SLC12A2: variants seen among roughly 807,000 people sequenced by gnomAD.
The protein encoded by SLC12A2 is Na-K-2Cl cotransporter 1.
Under a neutral mutation model 136.3 loss-of-function variants are expected in SLC12A2, and 67 were observed. That is an observed-to-expected ratio of 0.49 (90% CI 0.40 to 0.60). SLC12A2 has a LOEUF of 0.60. SLC12A2 is among the 20% of genes least tolerant of loss of function. SLC12A2 has a pLI of 0.00. For missense variants in SLC12A2, 1,322 were observed against 1,534.7 expected (o/e 0.86, Z 2.32); for synonymous variants, 619 against 562.9 (o/e 1.10, Z -1.41).
At chr5:128,096,604 T>C (rs1394122150) in intron 1 of SLC12A2, among the ~76,000 whole-genome samples, 2 of 152,062 alleles carry the variant, frequency 1.3e-5, no homozygotes, top group Non-Finnish European at 2.9e-5. Flanking sequence ...CTGAGAGCAT[T>C]TGCAAATAAG....
chr5:128,096,970 A>G (rs964814743), intron 1 of SLC12A2, among the ~76,000 whole-genome samples: 7 of 152,122 alleles, frequency 4.6e-5, no homozygotes, highest in Non-Finnish European at 1.0e-4. Context: ...TTCAATCATT[A>G]TAACATCTTC....
intron 1 of SLC12A2, among the ~76,000 whole-genome samples, chr5:128,106,552 G>A (rs1760943984): frequency 6.6e-6 from 1 of 152,030 alleles, no homozygotes; most frequent in African/African-American, 2.4e-5. Flanking sequence ...AAAGTTATTT[G>A]CTTTTGACTT....
At chr5:128,097,915 T>G (rs982972605) in intron 1 of SLC12A2, among the ~76,000 whole-genome samples, 1 of 152,044 alleles carries the variant, frequency 6.6e-6, no homozygotes, top group African/African-American at 2.4e-5. Context: ...TCTAAACATG[T>G]CTTTATTTTA....
intron 1 of SLC12A2, among the ~76,000 whole-genome samples, chr5:128,095,251 G>A (rs1038947410): frequency 1.3e-5 from 2 of 152,086 alleles, no homozygotes; most frequent in Non-Finnish European, 2.9e-5. Context: ...TGTATTGTTA[G>A]AAATGTTAGT....
chr5:128,144,933 T>C (rs1377151177), intron 10 of SLC12A2, among the ~76,000 whole-genome samples: 5 of 152,136 alleles, frequency 3.3e-5, no homozygotes, highest in Admixed American at 2.0e-4. Context: ...TTTTCCCCTT[T>C]AGAGACAAGA....
At position 128,099,716 on chromosome 5, in the gene SLC12A2, T is replaced by C. The variant is rs1053956196; in HGVS notation, c.757-13098T>C. Among the ~76,000 whole-genome samples, 10 of 152,284 alleles carry C rather than the reference T, an allele frequency of 6.6e-5. No individual in the cohort carries two copies. In the East Asian group the frequency reaches 1.3e-3, roughly 21 times the overall value. ...GGTTTGTTTCTTTTAAACATCTGTT[T>C]TTTTGTTAAAAAGGAAGACACAAGC... On this transcript the variant is annotated intron_variant, in intron 1 of 26. Transcript: ENST00000262461.
At chr5:128,086,376 G>A (rs1760100619) in intron 1 of SLC12A2, among the ~76,000 whole-genome samples, 2 of 152,084 alleles carry the variant, frequency 1.3e-5, no homozygotes, top group South Asian at 4.1e-4. Context: ...TAGTTGTATG[G>A]TAGTTGAAGA....
intron 1 of SLC12A2, among the ~76,000 whole-genome samples, chr5:128,109,110 T>C (rs1439351997): frequency 6.6e-6 from 1 of 152,284 alleles, no homozygotes; most frequent in Non-Finnish European, 1.5e-5. Context: ...TAGCTATGTC[T>C]ATTAATGAAA....
chr5:128,151,217 C>G (rs755035437), intron 13 of SLC12A2, 24 bp from the exon 14 acceptor site: 1 of 1,590,150 alleles, frequency 6.3e-7, no homozygotes, highest in Admixed American at 1.8e-5. Context: ...ATTTGTGTGA[C>G]TTTTATTTAT....
intron 16 of SLC12A2, among the ~76,000 whole-genome samples, chr5:128,158,457 G>A (rs180948336): frequency 3.7e-4 from 57 of 152,174 alleles, no homozygotes; most frequent in Non-Finnish European, 6.6e-4. Context: ...GTGGTATTTT[G>A]TTTTGTGTTC....
At chr5:128,100,086 C>T (rs1002787014) in intron 1 of SLC12A2, among the ~76,000 whole-genome samples, 3 of 152,028 alleles carry the variant, frequency 2.0e-5, no homozygotes, top group Non-Finnish European at 2.9e-5. Flanking sequence ...TTGTTTATTC[C>T]AGCATCACCA....
chr5:128,104,120 A>C (rs971642092), intron 1 of SLC12A2, among the ~76,000 whole-genome samples: 4 of 152,212 alleles, frequency 2.6e-5, no homozygotes, highest in Non-Finnish European at 5.9e-5. Flanking sequence ...GTGGGAAAGT[A>C]TCTAAGGGAA....
intron 18 of SLC12A2, 26 bp from the exon 19 acceptor site, chr5:128,171,641 T>C (rs999091435): frequency 1.3e-6 from 2 of 1,514,400 alleles, no homozygotes; most frequent in South Asian, 1.2e-5. Context: ...TTTTGGTTTT[T>C]TCATTTTTTG....
chr5:128,157,502 TATC>T (rs1356558155), intron 15 of SLC12A2, among the ~76,000 whole-genome samples: 1 of 152,184 alleles, frequency 6.6e-6, no homozygotes, highest in African/African-American at 2.4e-5. Flanking sequence ...AGAGGGCTGA[TATC>T]ATGAAGTGGT....
Position 128,178,688 on chromosome 5 carries a change from A to G in SLC12A2, c.3099A>G (p.Gly1033=), listed in dbSNP as rs1763607595. The G allele has an allele frequency of 6.5e-7, 1 of 1,545,752 alleles. No individual in the cohort carries two copies. ...ATGTCTGGTGGCTTTTTGATGATGG[A>G]GGTAAGGTTGTTAATTTTTTTAAAA... ...TIDVWWLFDD[G]GLTLLIPYLL... The change falls in exon 22 of 27, where the codon GGA becomes GGG. Residue 1033 remains glycine (G), a splice_region_variant and synonymous_variant. Transcript: ENST00000262461.
chr5:128,092,204 T>C (rs1045591887), intron 1 of SLC12A2, among the ~76,000 whole-genome samples: 2 of 152,250 alleles, frequency 1.3e-5, no homozygotes, highest in Non-Finnish European at 2.9e-5. Context: ...TGAACAATTA[T>C]ACGTTTGAAA....
intron 6 of SLC12A2, among the ~76,000 whole-genome samples, chr5:128,134,868 T>C (rs1175641526): frequency 6.6e-6 from 1 of 152,092 alleles, no homozygotes; most frequent in Non-Finnish European, 1.5e-5. Flanking sequence ...GAAGACCTTA[T>C]AAAAGTCACA....
chr5:128,179,151 A>AC (rs1043420434), intron 22 of SLC12A2, among the ~76,000 whole-genome samples: 5 of 152,112 alleles, frequency 3.3e-5, no homozygotes, highest in African/African-American at 1.2e-4. Context: ...CTGAAAAGTT[A>AC]CCCCACCCCC....
At position 128,084,590 on chromosome 5, in the gene SLC12A2, C is replaced by G; in HGVS notation, c.636C>G (p.Thr212=). The stretch of plus-strand genomic sequence containing the variant: ...ACACCAACACCTACTACCTGCGCAC[C>G]TTCGGCCACAACACCATGGACGCTG... ...DTHTNTYYLR[T]FGHNTMDAVP... The change falls in exon 1 of 27, where the codon ACC becomes ACG. Residue 212 remains threonine, a synonymous_variant. Transcript: ENST00000262461. The surrounding 1 kb of genome is among the most constrained non-coding windows in gnomAD (Gnocchi z 5.6). 6.2e-7 allele frequency: 1 copy of G among 1,613,710 alleles called. No homozygotes were observed. The highest frequency in any genetic ancestry group is 2.2e-5 in the East Asian group (1 of 44,862).
Sources: gnomAD v4.1 joint callset for allele counts (sites outside exome capture counted in the v4.1 genomes callset) on GRCh38, gnomAD v4.1.1 for gene constraint, Gnocchi (gnomAD v3.1) non-coding constraint, MANE v1.5 for transcripts, NCBI Gene and HGNC (gene_info 2026-07-23, HGNC 2026-07-21) for gene names.